The following PTPRD variants were observed in gnomAD, a reference collection of about 807,000 sequenced individuals.
The protein encoded by PTPRD is protein tyrosine phosphatase receptor type D.
A neutral mutation model predicts 214.5 loss-of-function variants in PTPRD; 34 were observed. That is an observed-to-expected ratio of 0.16 (90% CI 0.12 to 0.21). PTPRD has a LOEUF of 0.21. Ranked by LOEUF, PTPRD falls within the 10% of genes least tolerant of loss-of-function variation. PTPRD has a pLI of 1.00. For missense variants in PTPRD, 2,545 were observed against 2,398.7 expected, an observed-to-expected ratio of 1.06 and a Z score of -1.27; for synonymous variants, 1,128 against 845.7, an observed-to-expected ratio of 1.33 and a Z score of -5.79.
chr9:8,439,205 G>GAA (rs2095459800), intron 34 of PTPRD, among the ~76,000 whole-genome samples: 1 of 152,182 alleles, frequency 6.6e-6, no homozygotes, highest in Non-Finnish European at 1.5e-5. Flanking sequence ...CCCTGGCTTA[G>GAA]AATACTGGAC....
At chr9:9,044,624 G>C (rs1021965904) in intron 10 of PTPRD, among the ~76,000 whole-genome samples, 1 of 152,162 alleles carries the variant, frequency 6.6e-6, no homozygotes, top group Non-Finnish European at 1.5e-5. Context: ...CTGCACTTTA[G>C]AGAAAGCACA....
chr9:9,061,877 C>T (rs987463875), intron 10 of PTPRD, among the ~76,000 whole-genome samples: 8 of 152,074 alleles, frequency 5.3e-5, no homozygotes, highest in African/African-American at 1.7e-4. Flanking sequence ...CTCAAATAAT[C>T]CCCTTCAAAC....
intron 5 of PTPRD, among the ~76,000 whole-genome samples, chr9:9,823,557 A>G (rs1051437881): frequency 6.6e-6 from 1 of 152,140 alleles, no homozygotes; most frequent in Admixed American, 6.6e-5. Flanking sequence ...CATAAAAAAG[A>G]ATAAGATCCT....
intron 11 of PTPRD, among the ~76,000 whole-genome samples, chr9:8,885,086 A>T (rs1200608820): frequency 6.6e-6 from 1 of 152,168 alleles, no homozygotes; most frequent in Non-Finnish European, 1.5e-5. Context: ...ATAAAATAGA[A>T]ACAGACAAGC....
chr9:10,218,813 T>C (rs2099553175), intron 3 of PTPRD, among the ~76,000 whole-genome samples: 1 of 151,876 alleles, frequency 6.6e-6, no homozygotes, highest in African/African-American at 2.4e-5. Flanking sequence ...GAATTGTTCA[T>C]AATTGTCATA....
chr9:9,882,064 A>T (rs2068907308), intron 5 of PTPRD, among the ~76,000 whole-genome samples: 1 of 152,274 alleles, frequency 6.6e-6, no homozygotes, highest in South Asian at 2.1e-4. Flanking sequence ...AAAAGAATGT[A>T]GACAGACTAA....
At chr9:8,482,536 G>T (rs2096908844) in intron 30 of PTPRD, among the ~76,000 whole-genome samples, 1 of 152,010 alleles carries the variant, frequency 6.6e-6, no homozygotes, top group Non-Finnish European at 1.5e-5. Flanking sequence ...AAACTTGAGG[G>T]TGTGAGATAG....
intron 8 of PTPRD, among the ~76,000 whole-genome samples, chr9:9,479,152 T>C (rs2095269794): frequency 6.6e-6 from 1 of 151,306 alleles, no homozygotes; most frequent in African/African-American, 2.4e-5. Context: ...TCATTTTTAT[T>C]GTCCAAAAAT....
At chr9:9,310,715 C>T (rs1349140482) in intron 9 of PTPRD, among the ~76,000 whole-genome samples, 1 of 151,850 alleles carries the variant, frequency 6.6e-6, no homozygotes, top group Non-Finnish European at 1.5e-5. Context: ...GTTGGAAGTT[C>T]GAGACAAGCC....
intron 2 of PTPRD, among the ~76,000 whole-genome samples, chr9:10,493,906 C>G (rs1475844766): frequency 1.3e-5 from 2 of 151,880 alleles, no homozygotes; most frequent in African/African-American, 2.4e-5. Context: ...TGAACTAATA[C>G]AGCAATTATG....
At chr9:9,208,572 T>A (rs1417561675) in intron 9 of PTPRD, among the ~76,000 whole-genome samples, 1 of 152,076 alleles carries the variant, frequency 6.6e-6, no homozygotes, top group African/African-American at 2.4e-5. Context: ...TTTAATAATC[T>A]TTAAAATTAT....
At chr9:8,517,757 A>C in intron 21 of PTPRD, 91 bp downstream of exon 21, 1 of 1,110,366 alleles carries the variant, frequency 9.0e-7, no homozygotes, top group Non-Finnish European at 1.3e-6. Flanking sequence ...TAAAATTCAT[A>C]CCATCTTTGT....
At chr9:9,659,913 T>C (rs1197093926) in intron 7 of PTPRD, among the ~76,000 whole-genome samples, 1 of 152,120 alleles carries the variant, frequency 6.6e-6, no homozygotes, top group Non-Finnish European at 1.5e-5. Flanking sequence ...AGGAAGCAAC[T>C]TTATAGTCCT....
At chr9:9,931,620 C>T (rs1188361306) in intron 5 of PTPRD, among the ~76,000 whole-genome samples, 1 of 151,906 alleles carries the variant, frequency 6.6e-6, no homozygotes, top group Non-Finnish European at 1.5e-5. Flanking sequence ...AGTCTGAGAT[C>T]AAACTGCAAG....
At chr9:8,416,093 G>C (rs1470170657) in intron 35 of PTPRD, among the ~76,000 whole-genome samples, 1 of 151,808 alleles carries the variant, frequency 6.6e-6, no homozygotes, top group Non-Finnish European at 1.5e-5. Flanking sequence ...TATTTCCCCT[G>C]AACACATGTA....
At chr9:8,845,084 T>G (rs949818678) in intron 11 of PTPRD, among the ~76,000 whole-genome samples, 2 of 151,934 alleles carry the variant, frequency 1.3e-5, no homozygotes, top group Non-Finnish European at 2.9e-5. Flanking sequence ...CATAGTTTAA[T>G]GTCTGGTGCT....
At chr9:9,923,627 G>T (rs2083293065) in intron 5 of PTPRD, among the ~76,000 whole-genome samples, 1 of 151,890 alleles carries the variant, frequency 6.6e-6, no homozygotes, top group South Asian at 2.1e-4. Context: ...AAACAAAAAG[G>T]GAATCAGGCT....
chr9:9,155,311 T>G (rs2154491390), intron 10 of PTPRD, among the ~76,000 whole-genome samples: 1 of 152,272 alleles, frequency 6.6e-6, no homozygotes, highest in Non-Finnish European at 1.5e-5. Context: ...GATCTCAATA[T>G]TATGAATAAG....
intron 3 of PTPRD, among the ~76,000 whole-genome samples, chr9:10,186,064 T>C (rs2099328845): frequency 6.7e-6 from 1 of 149,658 alleles, no homozygotes; most frequent in Admixed American, 6.6e-5. Flanking sequence ...TGGTAGAAGA[T>C]AATTATGCTA....
Sources: gnomAD v4.1 joint callset for allele counts (sites outside exome capture counted in the v4.1 genomes callset) on GRCh38, gnomAD v4.1.1 for gene constraint, MANE v1.5 for transcripts, NCBI Gene and HGNC (gene_info 2026-07-23, HGNC 2026-07-21) for gene names.